The following GRM8 variants were observed in gnomAD, a reference collection of about 807,000 sequenced individuals.
GRM8 encodes metabotropic glutamate receptor 8.
GRM8 carries 47 observed loss-of-function variants against 87.2 expected under a neutral mutation model. The ratio of observed to expected loss-of-function variants is 0.54; its 90% CI spans 0.43 to 0.69. The LOEUF is 0.69. Among genes scored for constraint, GRM8 ranks in the 30% least tolerant of loss-of-function variants. GRM8 has a pLI of 0.00. For synonymous variants in GRM8, 396 were observed against 404.5 expected (o/e 0.98, Z 0.25); for missense variants, 1,019 against 1,139.2 (o/e 0.89, Z 1.52).
At chr7:126,653,964 T>G (rs1048932426) in intron 7 of GRM8, among the ~76,000 whole-genome samples, 3 of 152,218 alleles carry the variant, frequency 2.0e-5, no homozygotes, top group Non-Finnish European at 4.4e-5. Context: ...TATAAACAAC[T>G]GCTGGATTTG....
intron 2 of GRM8, among the ~76,000 whole-genome samples, chr7:127,206,199 C>T (rs1006901567): frequency 2.2e-4 from 33 of 152,226 alleles, no homozygotes; most frequent in Non-Finnish European, 1.5e-4. Context: ...GGGTGAGGTA[C>T]AGTCACACCA....
At chr7:126,467,670 G>A (rs1804665066) in intron 9 of GRM8, among the ~76,000 whole-genome samples, 1 of 151,962 alleles carries the variant, frequency 6.6e-6, no homozygotes, top group Admixed American at 6.6e-5. Flanking sequence ...TAACTAACAT[G>A]TTATGAATTA....
intron 8 of GRM8, among the ~76,000 whole-genome samples, chr7:126,575,757 A>G (rs573479518): frequency 1.3e-5 from 2 of 152,154 alleles, no homozygotes; most frequent in Non-Finnish European, 2.9e-5. Context: ...GTGAGATGCC[A>G]ACCCCTAAAA....
At chr7:126,904,412 A>G (rs1386775322) in intron 4 of GRM8, 136 bp downstream of exon 4, 1 of 833,676 alleles carries the variant, frequency 1.2e-6, no homozygotes, top group African/African-American at 1.7e-5. Context: ...CTCTGTAGGT[A>G]TTTCAGATTT....
chr7:126,604,006 A>C (rs1175235114), intron 8 of GRM8, among the ~76,000 whole-genome samples: 1 of 151,762 alleles, frequency 6.6e-6, no homozygotes, highest in Non-Finnish European at 1.5e-5. Context: ...AAAAAAAAAC[A>C]GTTGTTTATC....
chr7:126,743,687 T>C (rs1815292906), intron 7 of GRM8, among the ~76,000 whole-genome samples: 1 of 152,130 alleles, frequency 6.6e-6, no homozygotes, highest in African/African-American at 2.4e-5. Context: ...GTATACGTTG[T>C]TTACATGTTT....
chr7:127,142,973 T>C (rs1828360211), intron 2 of GRM8, among the ~76,000 whole-genome samples: 1 of 152,152 alleles, frequency 6.6e-6, no homozygotes, highest in South Asian at 2.1e-4. Context: ...GCCCCATGCA[T>C]CTTTCCACCA....
intron 2 of GRM8, among the ~76,000 whole-genome samples, chr7:127,203,509 A>G (rs955079014): frequency 1.3e-5 from 2 of 152,094 alleles, no homozygotes; most frequent in Non-Finnish European, 2.9e-5. Context: ...AGAGTTTGAG[A>G]CTCACCTGGC....
chr7:126,971,209 T>G (rs1227793224), intron 3 of GRM8, among the ~76,000 whole-genome samples: 3 of 137,580 alleles, frequency 2.2e-5, no homozygotes, highest in Non-Finnish European at 4.7e-5. Context: ...TACAATAAAG[T>G]GAGGTGAGCC....
chr7:126,753,387 C>CAT (rs35916735), intron 7 of GRM8, among the ~76,000 whole-genome samples: 60,793 of 149,786 alleles, frequency 0.41, 13,015 homozygotes, highest in Non-Finnish European at 0.48. Context: ...CACACACAGG[C>CAT]ATATATATAT....
intron 3 of GRM8, among the ~76,000 whole-genome samples, chr7:127,104,920 C>A (rs1238953599): frequency 6.6e-6 from 1 of 152,182 alleles, no homozygotes; most frequent in Non-Finnish European, 1.5e-5. Flanking sequence ...CAACAAATGG[C>A]AGATTATGTC....
In GRM8 at chr7:127,043,604, G is replaced by A. The variant is rs578116033; in HGVS notation, c.727+62892C>T. 2.6e-5 allele frequency among the ~76,000 whole-genome samples: 4 copies of A among 152,216 alleles called. No homozygotes were observed. In the East Asian group the frequency reaches 7.7e-4, roughly 29 times the overall value. ...TTCAGGAAGGGGAACATCACACACGGGGCCTGTTGTAGGGTGTGGGGAGCG... is the reference window on the plus strand; with the variant it reads ...TTCAGGAAGGGGAACATCACACACGAGGCCTGTTGTAGGGTGTGGGGAGCG... On this transcript the variant is annotated intron_variant, in intron 3 of 10. Transcript: ENST00000339582.
In GRM8 at chr7:126,678,669, C is replaced by G. The variant is rs529979114; in HGVS notation, c.1358-69171G>C. 1.7e-3 allele frequency among the ~76,000 whole-genome samples: 255 copies of G among 152,332 alleles called. 1 individual carries two copies. The highest frequency in any genetic ancestry group is 5.9e-3 in the African/African-American group (244 of 41,572). On this transcript the variant is annotated intron_variant, in intron 7 of 10. Transcript: ENST00000339582. ...AAACAGTTTTCCATTAAGTGGTACTCAGCTGCCTGGAGGACCCATCTTCAG... is the reference window on the plus strand; with the variant it reads ...AAACAGTTTTCCATTAAGTGGTACTGAGCTGCCTGGAGGACCCATCTTCAG...
intron 6 of GRM8, among the ~76,000 whole-genome samples, chr7:126,855,753 G>A (rs939993820): frequency 2.6e-5 from 4 of 152,142 alleles, no homozygotes; most frequent in Non-Finnish European, 5.9e-5. Context: ...GGGATTACAG[G>A]TGTGAGCCAC....
intron 2 of GRM8, among the ~76,000 whole-genome samples, chr7:127,197,257 T>C (rs1212176865): frequency 6.6e-6 from 1 of 152,234 alleles, no homozygotes; most frequent in Admixed American, 6.5e-5. Flanking sequence ...TAAATGCTCA[T>C]GTAAAAATTA....
At position 127,047,794 on chromosome 7, in the gene GRM8, A is replaced by G. The variant is rs144841348; in HGVS notation, c.727+58702T>C. On this transcript the variant is annotated intron_variant, in intron 3 of 10. Coordinates refer to ENST00000339582, the MANE Select transcript of GRM8 (RefSeq NM_000845.3). ...TAAGGCTGTAGTGAGCAGTGATCAC[A>G]CCACTACACATAGCCTGGGTGACAA... 2.3e-3 allele frequency among the ~76,000 whole-genome samples: 348 copies of G among 152,342 alleles called. 4 individuals are homozygous for G. Among genetic ancestry groups the G allele is most frequent in the African/African-American group, 8.1e-3 (335 of 41,580 alleles).
At chr7:126,545,491 C>T (rs183838651) in intron 8 of GRM8, among the ~76,000 whole-genome samples, 1 of 152,070 alleles carries the variant, frequency 6.6e-6, no homozygotes, top group East Asian at 1.9e-4. Context: ...AAATAATTTC[C>T]TTCAAAAAAA....
At chr7:127,128,137 G>C (rs17867018) in intron 2 of GRM8, among the ~76,000 whole-genome samples, 2,685 of 152,184 alleles carry the variant, frequency 0.018, 73 homozygotes, top group African/African-American at 0.061. Flanking sequence ...TAAAAATAAT[G>C]TGTAGCTACT....
intron 8 of GRM8, among the ~76,000 whole-genome samples, chr7:126,559,085 G>C (rs759397214): frequency 4.0e-5 from 6 of 151,882 alleles, no homozygotes; most frequent in Non-Finnish European, 8.8e-5. Flanking sequence ...GCTCCAGATG[G>C]CTGGAAAGTC....
Sources: gnomAD v4.1 joint callset for allele counts (sites outside exome capture counted in the v4.1 genomes callset) on GRCh38, gnomAD v4.1.1 for gene constraint, MANE v1.5 for transcripts, NCBI Gene and HGNC (gene_info 2026-07-23, HGNC 2026-07-21) for gene names.